Variants in SRCIN1 observed in about 807,000 individuals in gnomAD.
The protein encoded by SRCIN1 is P130Cas-associated protein.
A neutral mutation model predicts 116.2 loss-of-function variants in SRCIN1; 50 were observed. The ratio of observed to expected loss-of-function variants is 0.43; its 90% CI spans 0.34 to 0.54. The LOEUF is 0.54. Ranked by LOEUF, SRCIN1 falls within the 20% of genes least tolerant of loss-of-function variation. SRCIN1 has a pLI of 0.02. For synonymous variants in SRCIN1, 736 were observed against 750.0 expected (o/e 0.98, Z 0.30); for missense variants, 1,446 against 1,672.0 (o/e 0.86, Z 2.36).
rs180848841 is a variant in SRCIN1 at position 38,538,541 on chromosome 17, T to A, written c.3418-5110A>T. Among the ~76,000 whole-genome samples, 33 of 152,310 alleles carry A rather than the reference T, an allele frequency of 2.2e-4. 1 individual carries two copies. Among genetic ancestry groups the A allele is most frequent in the African/African-American group, 7.7e-4 (32 of 41,570 alleles). Reference sequence around the variant, plus strand: ...AAATTCACCAACCCTGGAATCCCCCTGCTTCCAGCCTTCTTGGTTACAGGA... The same window carrying A: ...AAATTCACCAACCCTGGAATCCCCCAGCTTCCAGCCTTCTTGGTTACAGGA... On this transcript the variant is annotated intron_variant, in intron 18 of 18. Coordinates refer to ENST00000617146, the MANE Select transcript of SRCIN1 (RefSeq NM_025248.3).
In SRCIN1 at chr17:38,604,145, T is replaced by C. The variant is rs1909220169; in HGVS notation, c.22+1539A>G. Among the ~76,000 whole-genome samples, 2 of 152,180 alleles carry C rather than the reference T, an allele frequency of 1.3e-5. No homozygotes were observed. The highest frequency in any genetic ancestry group is 2.9e-5 in the Non-Finnish European group (2 of 67,992). On this transcript the variant is annotated intron_variant, in intron 1 of 18. Coordinates refer to ENST00000617146, the MANE Select transcript of SRCIN1 (RefSeq NM_025248.3). The surrounding 1 kb of genome is among the most constrained non-coding windows in gnomAD (Gnocchi z 4.3). ...AGACAGCAAAGCAGTTGGCTCAAGGTCACCCAGACCAAGATACCAAGAGTC... is the reference window on the plus strand; with the variant it reads ...AGACAGCAAAGCAGTTGGCTCAAGGCCACCCAGACCAAGATACCAAGAGTC...
At position 38,552,248 on chromosome 17, in the gene SRCIN1, C is replaced by G; in HGVS notation, c.2481-116G>C. ...CAGGCTCTGGGATGCTGTGGGAGGG[C>G]CTGGGGAGGAGTGACTGCCCCTGGT... is the stretch of plus-strand genomic sequence containing the variant. On this transcript the variant is annotated intron_variant, in intron 13 of 18. Transcript: ENST00000617146. This position sits in a 1 kb window ranked among gnomAD's most constrained non-coding sequence, Gnocchi z 5.3. The G allele has an allele frequency of 6.7e-7, 1 of 1,483,952 alleles. No individual in the cohort carries two copies. Among genetic ancestry groups the G allele is most frequent in the East Asian group, 2.3e-5 (1 of 43,460 alleles). 91.9% of individuals were successfully genotyped at this position (1,483,952 alleles called of 1,614,324 possible).
intron 1 of SRCIN1, among the ~76,000 whole-genome samples, chr17:38,579,549 A>G (rs41371051): frequency 0.11 from 16,756 of 152,256 alleles, 1,073 homozygotes; most frequent in East Asian, 0.18. Context: ...GAAAGCAGAC[A>G]GAACAGCTGA....
chr17:38,563,448 C>A lies in SRCIN1; in HGVS notation c.615G>T (p.Thr205=). ...ACATGTGCGCGATGAGTGCGTGCAGCGTGTCCAGGCTGCTGACCTCGTGCG... is the reference window on the plus strand; with the variant it reads ...ACATGTGCGCGATGAGTGCGTGCAGAGTGTCCAGGCTGCTGACCTCGTGCG... ...HITHEVSSLD[T]LHALIAHMFP... Residue 205 remains threonine, a synonymous_variant, in exon 5 of 19, where the codon ACG becomes ACT. Transcript: ENST00000617146. This position sits in a 1 kb window ranked among gnomAD's most constrained non-coding sequence, Gnocchi z 5.8. The A allele has an allele frequency of 6.4e-7, 1 of 1,560,472 alleles. No individual in the cohort carries two copies. Among genetic ancestry groups the A allele is most frequent in the African/African-American group, 1.4e-5 (1 of 73,680 alleles).
Position 38,549,164 on chromosome 17 carries a change from C to T in SRCIN1, c.3009G>A (p.Ser1003=), listed in dbSNP as rs574915265. ...TCCGGCGGGGAGGGGGCGGTGGGGG[C>T]GACTTGGAGGGCTTCTCTGTGCGGT... ...PRYRTEKPSK[S]PPPPPPRRSF... Residue 1003 remains serine, a synonymous_variant, in exon 16 of 19, where the codon TCG becomes TCA. Coordinates refer to ENST00000617146, the MANE Select transcript of SRCIN1 (RefSeq NM_025248.3). 3.2e-5 allele frequency: 51 copies of T among 1,581,922 alleles called. No homozygotes were observed. Among genetic ancestry groups the T allele is most frequent in the Admixed American group, 8.7e-5 (5 of 57,556 alleles).
chr17:38,556,012 C>T (rs1905761279), intron 11 of SRCIN1, among the ~76,000 whole-genome samples: 1 of 152,154 alleles, frequency 6.6e-6, no homozygotes, highest in Non-Finnish European at 1.5e-5. Flanking sequence ...ACCCAATCTG[C>T]CAAAGTTGGG....
chr17:38,560,112 A>G lies in SRCIN1; in HGVS notation c.1794-15T>C, dbSNP rs1400869388. The G allele has an allele frequency of 1.3e-6, 2 of 1,544,458 alleles. No individual in the cohort carries two copies. The highest frequency in any genetic ancestry group is 1.7e-6 in the Non-Finnish European group (2 of 1,144,114). ...CAATCTTCTCGCTGTGGCACAGGGA[A>G]AAAAGCCATCAGGGGGTCCAGGCCA... On this transcript the variant is annotated splice_polypyrimidine_tract_variant and intron_variant, in intron 8 of 18. Coordinates refer to ENST00000617146, the MANE Select transcript of SRCIN1 (RefSeq NM_025248.3).
chr17:38,564,520 G>A (rs554244630), intron 3 of SRCIN1, among the ~76,000 whole-genome samples: 5 of 152,136 alleles, frequency 3.3e-5, no homozygotes, highest in African/African-American at 7.2e-5. Context: ...TGGGACACCC[G>A]GCAGGTAAGG....
At chr17:38,581,323 T>C (rs995895834) in intron 1 of SRCIN1, among the ~76,000 whole-genome samples, 4 of 151,498 alleles carry the variant, frequency 2.6e-5, no homozygotes, top group African/African-American at 2.4e-5. Context: ...GGAGAAATGC[T>C]TGAACCCGGG....
At chr17:38,566,344 T>G (rs912034717) in intron 3 of SRCIN1, among the ~76,000 whole-genome samples, 1 of 152,154 alleles carries the variant, frequency 6.6e-6, no homozygotes, top group Non-Finnish European at 1.5e-5. Flanking sequence ...TCTCACAGCC[T>G]GTACAGAAAA....
In SRCIN1 at chr17:38,533,237, G is replaced by A. The variant is rs1446457410; in HGVS notation, c.*60C>T. 1 of 1,507,192 alleles carries A rather than the reference G, an allele frequency of 6.6e-7. No homozygotes were observed. Among genetic ancestry groups the A allele is most frequent in the African/African-American group, 1.4e-5 (1 of 71,782 alleles). The allele number at this position is 1,507,192 out of a possible 1,614,324, so 93.4% of individuals were successfully genotyped here. ...GGGGTGGGGTGGAGATGAAGGAAGA[G>A]AGGGGAGAAATGGCAGGAGTGAGGG... is the stretch of plus-strand genomic sequence containing the variant. On this transcript the variant is annotated 3_prime_UTR_variant, in exon 19 of 19. Coordinates refer to ENST00000617146, the MANE Select transcript of SRCIN1 (RefSeq NM_025248.3).
chr17:38,563,804 G>A lies in SRCIN1; in HGVS notation c.542-283C>T. The A allele has an allele frequency of 1.5e-6, 1 of 646,846 alleles. No individual in the cohort carries two copies. Among genetic ancestry groups the A allele is most frequent in the Non-Finnish European group, 2.7e-6 (1 of 363,884 alleles). 40.1% of individuals were successfully genotyped at this position (646,846 alleles called of 1,614,324 possible). A position where few individuals can be genotyped will look rare whatever the true frequency, so the allele number is the denominator to read the frequency against. On this transcript the variant is annotated intron_variant, in intron 4 of 18. Transcript: ENST00000617146. This position sits in a 1 kb window ranked among gnomAD's most constrained non-coding sequence, Gnocchi z 5.8. ...AGAGCAGGTGGGGCGGAAACTGAGG[G>A]GAAGTGAGCTGAGGGAGAGAGAGGT...
intron 17 of SRCIN1, 63 bp downstream of exon 17, chr17:38,548,494 G>A: frequency 1.9e-6 from 3 of 1,588,776 alleles, no homozygotes; most frequent in Non-Finnish European, 2.6e-6. Flanking sequence ...CTGGCCTGGG[G>A]GGCAGCCTGG....
intron 18 of SRCIN1, chr17:38,543,083 C>T (rs1379651711): frequency 2.2e-6 from 1 of 456,618 alleles, no homozygotes; most frequent in Non-Finnish European, 4.4e-6. Context: ...CAGTAAACAC[C>T]CACAGGTGAG....
chr17:38,549,428 C>T (rs1273254140), intron 15 of SRCIN1, among the ~76,000 whole-genome samples: 1 of 152,198 alleles, frequency 6.6e-6, no homozygotes, highest in Non-Finnish European at 1.5e-5. Context: ...ACTCTTGCTA[C>T]TCCAAGTGTT....
intron 2 of SRCIN1, among the ~76,000 whole-genome samples, chr17:38,576,048 A>C (rs191227421): frequency 2.6e-5 from 4 of 152,270 alleles, no homozygotes; most frequent in African/African-American, 9.6e-5. Context: ...TCATTTCCTA[A>C]GTATTTACTG....
At chr17:38,574,429 G>C (rs901690810) in intron 2 of SRCIN1, among the ~76,000 whole-genome samples, 4 of 152,168 alleles carry the variant, frequency 2.6e-5, no homozygotes, top group Non-Finnish European at 5.9e-5. Context: ...AGCAAGAGGG[G>C]TGAGAGAGAG....
chr17:38,578,042 C>G (rs916554880), intron 2 of SRCIN1, among the ~76,000 whole-genome samples: 4 of 152,172 alleles, frequency 2.6e-5, no homozygotes, highest in Admixed American at 1.3e-4. Flanking sequence ...TACTGAGGCT[C>G]TCAAGGCCCG....
intron 18 of SRCIN1, among the ~76,000 whole-genome samples, chr17:38,540,846 A>G (rs991799566): frequency 3.3e-5 from 5 of 152,184 alleles, no homozygotes; most frequent in Non-Finnish European, 7.4e-5. Context: ...GAAATCAGTT[A>G]GAGGTGACAG....
Sources: gnomAD v4.1 joint callset for allele counts (sites outside exome capture counted in the v4.1 genomes callset) on GRCh38, gnomAD v4.1.1 for gene constraint, Gnocchi (gnomAD v3.1) non-coding constraint, MANE v1.5 for transcripts, NCBI Gene and HGNC (gene_info 2026-07-23, HGNC 2026-07-21) for gene names.